GRM7: variants seen among roughly 807,000 people sequenced by gnomAD.
GRM7 encodes the protein glutamate metabotropic receptor 7.
A neutral mutation model predicts 84.5 loss-of-function variants in GRM7; 35 were observed. The observed-to-expected ratio is 0.41, with a 90% CI of 0.32 to 0.55. GRM7 has a LOEUF of 0.55. Among genes scored for constraint, GRM7 ranks in the 20% least tolerant of loss-of-function variants. The pLI, the probability that GRM7 is intolerant of heterozygous loss-of-function variation, is 0.19. For synonymous variants in GRM7, 487 were observed against 455.1 expected, an observed-to-expected ratio of 1.07 and a Z score of -0.89; for missense variants, 1,003 against 1,194.6, an observed-to-expected ratio of 0.84 and a Z score of 2.36.
intron 8 of GRM7, among the ~76,000 whole-genome samples, chr3:7,580,476 T>A (rs975419531): frequency 5.9e-5 from 9 of 152,188 alleles, no homozygotes; most frequent in Non-Finnish European, 8.8e-5. Context: ...AGCCTGTGTA[T>A]CCAGGAATTA....
At chr3:7,730,894 T>C (rs1324727416) in intron 9 of GRM7, among the ~76,000 whole-genome samples, 2 of 152,212 alleles carry the variant, frequency 1.3e-5, no homozygotes, top group East Asian at 1.9e-4. Context: ...ATGTGGTAAT[T>C]TAATGCATAT....
At chr3:7,580,447 A>G (rs1695194577) in intron 8 of GRM7, among the ~76,000 whole-genome samples, 1 of 152,182 alleles carries the variant, frequency 6.6e-6, no homozygotes. Flanking sequence ...TTGATTTAGA[A>G]TGTCTAAAAA....
chr3:7,495,538 T>C (rs1699669967), intron 7 of GRM7, among the ~76,000 whole-genome samples: 1 of 152,034 alleles, frequency 6.6e-6, no homozygotes. Context: ...TACAGCTGGG[T>C]CTCTCTTACT....
At chr3:7,130,543 CAAAAAAAAAAAGAAAAG>C (rs1403563105) in intron 1 of GRM7, among the ~76,000 whole-genome samples, 1 of 79,168 alleles carries the variant, frequency 1.3e-5, no homozygotes, top group Non-Finnish European at 2.5e-5. Flanking sequence ...ATTCTTGTCT[CAAAAAAAAAAAGAAAAG>C]AAAAAAAAAA....
rs546494040 is a variant in GRM7, at chr3:7,436,679, CTTGCCTCTCCTGCAGTCT to C, written c.1175-15927_1175-15910del. The stretch of plus-strand genomic sequence containing the variant: ...CAGTTACCTACAATCAAACTGCAAA[CTTGCCTCTCCTGCAGTCT>C]ACAGCTACTTATATATCTCTCCAAC... On this transcript the variant is annotated intron_variant, in intron 5 of 9. Coordinates refer to ENST00000357716, the MANE Select transcript of GRM7 (RefSeq NM_000844.4). Among the ~76,000 whole-genome samples, 186 of 152,302 alleles carry C rather than the reference CTTGCCTCTCCTGCAGTCT, an allele frequency of 1.2e-3. 2 individuals carry two copies. Among genetic ancestry groups the C allele is most frequent in the African/African-American group, 4.3e-3 (177 of 41,558 alleles).
rs201802932 is a variant in GRM7 at position 7,172,206 on chromosome 3, A to AT, written c.736+25547dup. Among the ~76,000 whole-genome samples, 1,421 of 151,868 alleles carry AT rather than the reference A, an allele frequency of 9.4e-3. 21 individuals are homozygous for AT. Among genetic ancestry groups the AT allele is most frequent in the African/African-American group, 0.033 (1,352 of 41,404 alleles). On this transcript the variant is annotated intron_variant, in intron 2 of 9. Transcript: ENST00000357716. The stretch of plus-strand genomic sequence containing the variant: ...ATGCCCTCTGGGGTTTTATATGATA[A>AT]TTTTTTTTTAAGTAACAAAAATGAG...
chr3:7,415,226 T>G, intron 5 of GRM7, 63 bp downstream of exon 5: 11 of 1,339,252 alleles, frequency 8.2e-6, no homozygotes, highest in Non-Finnish European at 9.5e-6. Flanking sequence ...CATGTCTGCA[T>G]AGCTGACAGA....
At chr3:7,036,130 T>G (rs1335981519) in intron 1 of GRM7, among the ~76,000 whole-genome samples, 1 of 152,148 alleles carries the variant, frequency 6.6e-6, no homozygotes, top group African/African-American at 2.4e-5. Context: ...TCCAAACCAA[T>G]TGTTCTTACA....
At chr3:7,011,498 G>T (rs1472359148) in intron 1 of GRM7, among the ~76,000 whole-genome samples, 1 of 152,284 alleles carries the variant, frequency 6.6e-6, no homozygotes, top group East Asian at 1.9e-4. Flanking sequence ...GGAGGTGATT[G>T]TGGTGGCCAT....
At chr3:7,478,712 A>AGGGAT (rs111570837) in intron 7 of GRM7, among the ~76,000 whole-genome samples, 11,461 of 152,024 alleles carry the variant, frequency 0.075, 1,392 homozygotes, top group African/African-American at 0.25. Context: ...AACACTGGAG[A>AGGGAT]GGGATGAGTA....
At chr3:7,101,085 A>C (rs1359279825) in intron 1 of GRM7, among the ~76,000 whole-genome samples, 1 of 151,720 alleles carries the variant, frequency 6.6e-6, no homozygotes, top group Non-Finnish European at 1.5e-5. Context: ...CTTTTTGTAG[A>C]GATATGTTTT....
intron 8 of GRM7, among the ~76,000 whole-genome samples, chr3:7,588,617 G>C (rs977411408): frequency 1.3e-5 from 2 of 152,152 alleles, no homozygotes; most frequent in African/African-American, 2.4e-5. Flanking sequence ...ATAGTCAATA[G>C]AGAGATCATA....
chr3:7,226,078 A>T (rs1696972074), intron 2 of GRM7, among the ~76,000 whole-genome samples: 1 of 152,184 alleles, frequency 6.6e-6, no homozygotes. Flanking sequence ...TATTTACTAT[A>T]TGCCTACTCT....
intron 1 of GRM7, among the ~76,000 whole-genome samples, chr3:6,970,573 G>A (rs944476582): frequency 4.6e-5 from 7 of 152,306 alleles, no homozygotes; most frequent in African/African-American, 1.7e-4. Context: ...AGGGAAAGCC[G>A]TGGTGGGAAT....
intron 1 of GRM7, among the ~76,000 whole-genome samples, chr3:6,901,015 G>A (rs1452571100): frequency 6.6e-6 from 1 of 152,114 alleles, no homozygotes; most frequent in African/African-American, 2.4e-5. Flanking sequence ...CTGGAAAATA[G>A]TTTTCTTCAT....
At chr3:7,553,587 T>C (rs1316140984) in intron 7 of GRM7, among the ~76,000 whole-genome samples, 1 of 152,100 alleles carries the variant, frequency 6.6e-6, no homozygotes, top group Non-Finnish European at 1.5e-5. Context: ...AGACTTACAA[T>C]TATGGTGGAA....
At chr3:7,074,386 A>G (rs1158545926) in intron 1 of GRM7, among the ~76,000 whole-genome samples, 1 of 152,206 alleles carries the variant, frequency 6.6e-6, no homozygotes, top group Non-Finnish European at 1.5e-5. Flanking sequence ...GAAACATTCT[A>G]TGTGGGCTGT....
intron 7 of GRM7, chr3:7,560,192 T>C (rs1228799498): frequency 6.6e-6 from 1 of 152,070 alleles, no homozygotes; most frequent in East Asian, 1.9e-4. Context: ...CCTAGGTCTT[T>C]ACTTCCTTTT....
At chr3:7,728,670 T>C (rs1702212161) in intron 9 of GRM7, among the ~76,000 whole-genome samples, 2 of 152,200 alleles carry the variant, frequency 1.3e-5, no homozygotes, top group African/African-American at 4.8e-5. Context: ...GGAACATGTT[T>C]CATTTCTGGC....
Sources: allele counts gnomAD v4.1 joint callset (sites outside exome capture counted in the v4.1 genomes callset), GRCh38; gene constraint gnomAD v4.1.1; transcripts MANE v1.5; gene names NCBI Gene and HGNC (gene_info 2026-07-23, HGNC 2026-07-21).